Variants in PTPRG observed in about 807,000 individuals in gnomAD.
PTPRG encodes protein tyrosine phosphatase receptor type G.
In PTPRG, 102 loss-of-function variants were observed where a neutral mutation model predicts 165.3. The observed-to-expected ratio is 0.62, with a 90% CI of 0.53 to 0.73. The LOEUF (loss-of-function observed/expected upper bound fraction) is 0.73. Ranked by LOEUF, PTPRG falls within the 30% of genes least tolerant of loss-of-function variation. PTPRG has a pLI of 0.00. For missense variants in PTPRG, 1,866 were observed against 1,861.4 expected (o/e 1.00, Z -0.05); for synonymous variants, 675 against 669.5 (o/e 1.01, Z -0.13).
chr3:61,620,505 C>T (rs1165192529), intron 1 of PTPRG, among the ~76,000 whole-genome samples: 1 of 152,154 alleles, frequency 6.6e-6, no homozygotes, highest in Non-Finnish European at 1.5e-5. Context: ...GAATCAAATA[C>T]CTTTCAAGGA....
At chr3:62,041,442 C>T (rs1187036946) in intron 4 of PTPRG, among the ~76,000 whole-genome samples, 4 of 152,162 alleles carry the variant, frequency 2.6e-5, no homozygotes, top group Non-Finnish European at 5.9e-5. Context: ...CAAGACAAGA[C>T]TTTTAGTCTG....
intron 6 of PTPRG, among the ~76,000 whole-genome samples, chr3:62,147,990 A>C (rs959377843): frequency 4.6e-5 from 7 of 151,934 alleles, no homozygotes; most frequent in African/African-American, 1.7e-4. Context: ...CTAAAAATAC[A>C]AAAAAATTAG....
chr3:61,643,732 C>G (rs1431021540), intron 1 of PTPRG, among the ~76,000 whole-genome samples: 1 of 151,558 alleles, frequency 6.6e-6, no homozygotes, highest in Non-Finnish European at 1.5e-5. Flanking sequence ...CCAGTGCACT[C>G]CAGCCTGGGT....
chr3:61,593,842 T>A (rs1700633401), intron 1 of PTPRG, among the ~76,000 whole-genome samples: 1 of 152,158 alleles, frequency 6.6e-6, no homozygotes, highest in African/African-American at 2.4e-5. Flanking sequence ...CTGGTACTCA[T>A]CAAGACCTCA....
intron 2 of PTPRG, among the ~76,000 whole-genome samples, chr3:61,824,537 C>G (rs891549229): frequency 3.9e-5 from 6 of 152,086 alleles, no homozygotes; most frequent in African/African-American, 1.4e-4. Flanking sequence ...TTAAGTGAAA[C>G]TGTGATTTCT....
At chr3:62,072,716 C>T (rs1701251844) in intron 4 of PTPRG, among the ~76,000 whole-genome samples, 1 of 151,784 alleles carries the variant, frequency 6.6e-6, no homozygotes, top group South Asian at 2.1e-4. Flanking sequence ...TCTGTTTATA[C>T]AGGATTGATT....
intron 2 of PTPRG, among the ~76,000 whole-genome samples, chr3:61,920,075 A>T (rs1489248175): frequency 1.3e-5 from 2 of 152,232 alleles, no homozygotes; most frequent in Non-Finnish European, 2.9e-5. Flanking sequence ...GAGGAGGAAG[A>T]TGATCCCTGG....
chr3:61,811,509 A>C (rs116427663), intron 2 of PTPRG, among the ~76,000 whole-genome samples: 147 of 152,336 alleles, frequency 9.6e-4, no homozygotes, highest in African/African-American at 3.4e-3. Flanking sequence ...CAAGAGCCAG[A>C]ATGGACAGTG....
intron 4 of PTPRG, among the ~76,000 whole-genome samples, chr3:62,004,200 T>C (rs1005727444): frequency 3.3e-5 from 5 of 152,192 alleles, no homozygotes; most frequent in Admixed American, 3.3e-4. Context: ...CCTCTAATCA[T>C]GATTGTTGTG....
chr3:61,997,056 G>A (rs6809617), intron 3 of PTPRG, among the ~76,000 whole-genome samples: 124 of 152,242 alleles, frequency 8.1e-4, no homozygotes, highest in African/African-American at 2.9e-3. Flanking sequence ...TGTCTTATAT[G>A]GTTAAAAGTG....
chr3:62,157,182 G>A lies in PTPRG; in HGVS notation c.798G>A (p.Glu266=), dbSNP rs1459276811. The A allele has an allele frequency of 1.9e-6, 3 of 1,614,018 alleles. No individual in the cohort carries two copies. Among genetic ancestry groups the A allele is most frequent in the African/African-American group, 1.3e-5 (1 of 75,036 alleles). The part of the protein sequence containing the change: ...LTTPPCSEIV[E]WIVFRRPVPI... ...CACCACCGTGTAGCGAAATAGTGGA[G>A]TGGATAGTCTTCCGGAGACCCGTCC... The change falls in exon 7 of 30, where the codon GAG becomes GAA. Residue 266 remains glutamate (E), a synonymous_variant. Coordinates refer to ENST00000474889, the MANE Select transcript of PTPRG (RefSeq NM_002841.4).
At chr3:62,132,761 T>C (rs1486874794) in intron 6 of PTPRG, 93 bp downstream of exon 6, 2 of 1,125,494 alleles carry the variant, frequency 1.8e-6, no homozygotes, top group Non-Finnish European at 2.7e-6. Flanking sequence ...GGACAGAGGG[T>C]GACACCTATT....
intron 1 of PTPRG, among the ~76,000 whole-genome samples, chr3:61,648,691 CAG>C (rs774689778): frequency 5.3e-5 from 8 of 152,098 alleles, no homozygotes; most frequent in Non-Finnish European, 7.4e-5. Flanking sequence ...GTAATACAGT[CAG>C]AGAGAGAGGG....
At chr3:61,644,471 G>T (rs1702148735) in intron 1 of PTPRG, among the ~76,000 whole-genome samples, 1 of 152,206 alleles carries the variant, frequency 6.6e-6, no homozygotes, top group Non-Finnish European at 1.5e-5. Flanking sequence ...CTGAAGCCCA[G>T]TGGGTTTTTG....
At chr3:61,966,414 C>T (rs2040273482) in intron 2 of PTPRG, among the ~76,000 whole-genome samples, 1 of 151,836 alleles carries the variant, frequency 6.6e-6, no homozygotes, top group African/African-American at 2.4e-5. Context: ...CCAAGTATGG[C>T]TCTGTCCTGA....
chr3:62,093,121 T>A (rs76511973), intron 5 of PTPRG, among the ~76,000 whole-genome samples: 4,604 of 152,292 alleles, frequency 0.03, 194 homozygotes, highest in East Asian at 0.21. Flanking sequence ...TCGGTATTTT[T>A]AATAGCTGCT....
Position 62,292,574 on chromosome 3 carries a change from G to T in PTPRG, c.4191+18G>T. ...CAGACATTGTAAGTAGTTTGCTTATGTGTAAAACCTGTACTACATCAGTTG... is the reference window on the plus strand; with the variant it reads ...CAGACATTGTAAGTAGTTTGCTTATTTGTAAAACCTGTACTACATCAGTTG... On this transcript the variant is annotated intron_variant, in intron 29 of 29. Transcript: ENST00000474889. 1.9e-6 allele frequency: 3 copies of T among 1,611,362 alleles called. No homozygotes were observed. The East Asian group carries it at 6.7e-5, about 36-fold the overall frequency.
At position 62,208,464 on chromosome 3, in the gene PTPRG, CA is replaced by C. The variant is rs1404757802; in HGVS notation, c.2155+4515del. Among the ~76,000 whole-genome samples, 14 of 152,264 alleles carry C rather than the reference CA, an allele frequency of 9.2e-5. No homozygotes were observed. In the South Asian group the frequency reaches 2.7e-3, roughly 29 times the overall value. ...CTCTTTTTTCAGGTTGAATCTTGCT[CA>C]GAAACTCAGTATGTGAACACTCATT... On this transcript the variant is annotated intron_variant, in intron 12 of 29. Coordinates refer to ENST00000474889, the MANE Select transcript of PTPRG (RefSeq NM_002841.4).
chr3:62,009,420 G>C (rs1178359118), intron 4 of PTPRG, among the ~76,000 whole-genome samples: 1 of 152,148 alleles, frequency 6.6e-6, no homozygotes. Context: ...ATTCTCCTTT[G>C]AACATTCTGT....
Sources: allele counts gnomAD v4.1 joint callset (sites outside exome capture counted in the v4.1 genomes callset), GRCh38; gene constraint gnomAD v4.1.1; transcripts MANE v1.5; gene names NCBI Gene and HGNC (gene_info 2026-07-23, HGNC 2026-07-21).